The following SLC12A1 variants were observed in gnomAD, a reference collection of about 807,000 sequenced individuals.
SLC12A1 encodes Na-K-2Cl cotransporter.
A neutral mutation model predicts 130.4 loss-of-function variants in SLC12A1; 89 were observed. The ratio of observed to expected loss-of-function variants is 0.68; its 90% CI spans 0.58 to 0.81. The LOEUF (loss-of-function observed/expected upper bound fraction) is 0.81, where lower values mean the gene tolerates loss of function less well. Among genes scored for constraint, SLC12A1 ranks in the 40% least tolerant of loss-of-function variants. The pLI is 0.00. For missense variants in SLC12A1, 1,310 were observed against 1,336.4 expected (o/e 0.98, Z 0.31); for synonymous variants, 499 against 460.0 (o/e 1.08, Z -1.09).
In SLC12A1 at chr15:48,299,122, T is replaced by A; in HGVS notation, c.2961-18T>A. On this transcript the variant is annotated intron_variant, in intron 24 of 26. Transcript: ENST00000380993. ...TTAGTTTCCCACTGTGAGGCCTCCT[T>A]TATAATTCAAATTTTAGCTGGAAAG... 6.3e-7 allele frequency: 1 copy of A among 1,595,984 alleles called. No homozygotes were observed. Among genetic ancestry groups the A allele is most frequent in the Non-Finnish European group, 8.5e-7 (1 of 1,174,016 alleles).
At position 48,241,516 on chromosome 15, in the gene SLC12A1, A is replaced by T. The variant is rs1474737837; in HGVS notation, c.1217A>T (p.Asp406Val). The change falls in exon 10 of 27, where the codon GAT (aspartate) becomes GTT (valine). Residue 406 changes from aspartate to valine, a missense_variant and splice_region_variant. By Grantham distance (152) the Asp-to-Val change is radical. Transcript: ENST00000380993. The part of the protein sequence containing the change: ...AGANISGDLE[D>V]PQDAIPRGTM... ...TACCTCCACATTATTTTTTTAAAGG[A>T]TCCCCAAGATGCCATCCCCAGAGGA... is the stretch of plus-strand genomic sequence containing the variant. 1 of 1,610,642 alleles carries T rather than the reference A, an allele frequency of 6.2e-7. No homozygotes were observed. The highest frequency in any genetic ancestry group is 1.7e-5 in the Admixed American group (1 of 59,998).
intron 2 of SLC12A1, among the ~76,000 whole-genome samples, chr15:48,214,171 C>A (rs2041090379): frequency 6.6e-6 from 1 of 152,054 alleles, no homozygotes; most frequent in Non-Finnish European, 1.5e-5. Context: ...TTGGAGTGAA[C>A]CTCTGCAACT....
chr15:48,220,314 C>G (rs953722963), intron 2 of SLC12A1, among the ~76,000 whole-genome samples: 6 of 152,026 alleles, frequency 3.9e-5, no homozygotes, highest in Admixed American at 1.3e-4. Flanking sequence ...CCTTGTAGCC[C>G]TTCTCTCTTT....
chr15:48,226,750 G>C (rs1029822252), intron 5 of SLC12A1, 179 bp downstream of exon 5: 2 of 630,186 alleles, frequency 3.2e-6, no homozygotes, highest in African/African-American at 3.7e-5. Flanking sequence ...GGTCTACTCT[G>C]GTCTCTTTTC....
At chr15:48,219,423 G>A (rs565963122) in intron 2 of SLC12A1, among the ~76,000 whole-genome samples, 1 of 152,142 alleles carries the variant, frequency 6.6e-6, no homozygotes, top group East Asian at 1.9e-4. Context: ...TGGCGTGGTG[G>A]TGCACCCCTG....
intron 9 of SLC12A1, among the ~76,000 whole-genome samples, chr15:48,236,133 A>G (rs1053302253): frequency 1.4e-5 from 2 of 140,702 alleles, no homozygotes; most frequent in Non-Finnish European, 3.1e-5. Context: ...ACACACACAC[A>G]CGCAAAGTAG....
intron 9 of SLC12A1, among the ~76,000 whole-genome samples, chr15:48,236,240 T>C (rs1442302641): frequency 2.0e-5 from 3 of 152,168 alleles, no homozygotes; most frequent in Non-Finnish European, 4.4e-5. Flanking sequence ...GAAAAACATA[T>C]GCATTGTCCA....
chr15:48,271,351 T>C lies in SLC12A1; in HGVS notation c.2402+1587T>C, dbSNP rs568859647. On this transcript the variant is annotated intron_variant, in intron 19 of 26. Coordinates refer to ENST00000380993, the MANE Select transcript of SLC12A1 (RefSeq NM_000338.3). ...CTGGAAATGGAAGGTTTCCTGTGTC[T>C]GGGATCTGGCTGCACTTTGATTTCA... is the stretch of plus-strand genomic sequence containing the variant. Among the ~76,000 whole-genome samples, 5 of 152,322 alleles carry C rather than the reference T, an allele frequency of 3.3e-5. No individual in the cohort carries two copies. In the South Asian group the frequency reaches 1.0e-3, roughly 32 times the overall value.
In SLC12A1 at chr15:48,208,917, T is replaced by C. The variant is rs572540014; in HGVS notation, c.420+778T>C. Among the ~76,000 whole-genome samples, 10 of 152,306 alleles carry C rather than the reference T, an allele frequency of 6.6e-5. No homozygotes were observed. In the South Asian group the frequency reaches 2.1e-3, roughly 32 times the overall value. ...GATTCAGCATTTTATCCCTTCCTCTTTAAAACTTTGCCTGAGGCTCCTGAA... is the reference window on the plus strand; with the variant it reads ...GATTCAGCATTTTATCCCTTCCTCTCTAAAACTTTGCCTGAGGCTCCTGAA... On this transcript the variant is annotated intron_variant, in intron 2 of 26. Coordinates refer to ENST00000380993, the MANE Select transcript of SLC12A1 (RefSeq NM_000338.3).
rs185220178 is a variant in SLC12A1, at chr15:48,275,143, T to A, written c.2485+490T>A. 2.1e-3 allele frequency among the ~76,000 whole-genome samples: 316 copies of A among 152,340 alleles called. 1 individual carries two copies. Among genetic ancestry groups the A allele is most frequent in the Non-Finnish European group, 3.9e-3 (265 of 68,034 alleles). ...ACTAATTCAGATGAGTGACTCTTTG[T>A]TTTTTCCCTGTAGAGAATTTGGTAT... is the stretch of plus-strand genomic sequence containing the variant. On this transcript the variant is annotated intron_variant, in intron 20 of 26. Transcript: ENST00000380993.
chr15:48,267,490 T>A (rs1212955016), intron 17 of SLC12A1, 71 bp from the exon 18 acceptor site: 3 of 1,549,096 alleles, frequency 1.9e-6, no homozygotes, highest in African/African-American at 2.7e-5. Context: ...GCTATTTTTG[T>A]CCTTTAGAAA....
intron 9 of SLC12A1, among the ~76,000 whole-genome samples, chr15:48,240,806 A>G (rs952549090): frequency 2.6e-5 from 4 of 152,178 alleles, no homozygotes; most frequent in Non-Finnish European, 5.9e-5. Flanking sequence ...CTACTTAAGA[A>G]TTGATTTTAT....
At chr15:48,215,080 C>G (rs1343409591) in intron 2 of SLC12A1, among the ~76,000 whole-genome samples, 1 of 151,108 alleles carries the variant, frequency 6.6e-6, no homozygotes, top group Non-Finnish European at 1.5e-5. Context: ...TGATGATAGA[C>G]ATAAAGATGT....
At chr15:48,272,353 T>C (rs2041906932) in intron 19 of SLC12A1, among the ~76,000 whole-genome samples, 1 of 152,236 alleles carries the variant, frequency 6.6e-6, no homozygotes, top group Admixed American at 6.5e-5. Context: ...GACTATAGTA[T>C]TTTACCATTT....
At chr15:48,244,353 T>C (rs1216630562) in intron 10 of SLC12A1, among the ~76,000 whole-genome samples, 3 of 152,230 alleles carry the variant, frequency 2.0e-5, no homozygotes, top group Non-Finnish European at 4.4e-5. Context: ...AATTCCATAA[T>C]GCCACCCCTT....
intron 8 of SLC12A1, among the ~76,000 whole-genome samples, chr15:48,234,017 G>A (rs1309274432): frequency 6.6e-6 from 1 of 152,104 alleles, no homozygotes; most frequent in Non-Finnish European, 1.5e-5. Context: ...CCATACTGAG[G>A]ATTTGGTATA....
At chr15:48,285,418 A>G (rs1421809248) in intron 21 of SLC12A1, among the ~76,000 whole-genome samples, 169 bp downstream of exon 21, 1 of 152,242 alleles carries the variant, frequency 6.6e-6, no homozygotes, top group Non-Finnish European at 1.5e-5. Context: ...AGCTATTGTC[A>G]TTTATCAACC....
chr15:48,291,495 T>G (rs2042120766), intron 23 of SLC12A1, among the ~76,000 whole-genome samples: 1 of 152,194 alleles, frequency 6.6e-6, no homozygotes, highest in African/African-American at 2.4e-5. Context: ...GTGGACAGAT[T>G]TGCATTCTGT....
chr15:48,249,651 C>T lies in SLC12A1; in HGVS notation c.1761C>T (p.Phe587=), dbSNP rs1247540110. Residue 587 remains phenylalanine, a synonymous_variant, in exon 14 of 27, where the codon TTC becomes TTT. Transcript: ENST00000380993. ...ASYALINFSC[F]HASYAKSPGW... is the part of the protein sequence containing the mutation. ...ATGCACTTATTAATTTCTCCTGCTTCCATGCCTCTTATGCCAAATCTCCAG... is the reference window on the plus strand; with the variant it reads ...ATGCACTTATTAATTTCTCCTGCTTTCATGCCTCTTATGCCAAATCTCCAG... The T allele has an allele frequency of 1.9e-6, 3 of 1,613,538 alleles. No individual in the cohort carries two copies. Among genetic ancestry groups the T allele is most frequent in the African/African-American group, 1.3e-5 (1 of 74,928 alleles).
Sources: gnomAD v4.1 joint callset for allele counts (sites outside exome capture counted in the v4.1 genomes callset) on GRCh38, gnomAD v4.1.1 for gene constraint, MANE v1.5 for transcripts, NCBI Gene and HGNC (gene_info 2026-07-23, HGNC 2026-07-21) for gene names.